Variants in RNF217 observed in about 807,000 individuals in gnomAD.
The protein encoded by RNF217 is E3 ubiquitin-protein ligase RNF217.
RNF217 carries 31 observed loss-of-function variants against 57.8 expected under a neutral mutation model. The ratio of observed to expected loss-of-function variants is 0.54; its 90% CI spans 0.40 to 0.72. The LOEUF is 0.72. RNF217 is among the 30% of genes least tolerant of loss of function. RNF217 has a pLI of 0.00. For missense variants in RNF217, 696 were observed against 708.3 expected (o/e 0.98, Z 0.20); for synonymous variants, 313 against 294.0 (o/e 1.06, Z -0.66).
rs1254686572 is a variant in RNF217, at chr6:124,962,749, C to A, written c.205C>A (p.Pro69Thr). The A allele has an allele frequency of 6.3e-7, 1 of 1,586,492 alleles. No homozygotes were observed. Among genetic ancestry groups the A allele is most frequent in the African/African-American group, 1.3e-5 (1 of 74,496 alleles). The change falls in exon 1 of 6, where the codon CCC (proline) becomes ACC (threonine). Residue 69 changes from proline to threonine, a missense_variant. This residue lies in a region of RNF217 where 465 missense variants were observed against 386.8 expected (regional missense o/e 1.20). Coordinates refer to ENST00000521654, the MANE Select transcript of RNF217 (RefSeq NM_001286398.3). This position sits in a 1 kb window ranked among gnomAD's most constrained non-coding sequence, Gnocchi z 4.6. ...WGCADTSAPE[P>T]ARSLGPPGWS... is the part of the protein sequence containing the mutation. The stretch of plus-strand genomic sequence containing the variant: ...CTGCGCGGACACCAGCGCCCCAGAG[C>A]CCGCGAGGAGCCTGGGGCCCCCGGG...
intron 1 of RNF217, among the ~76,000 whole-genome samples, chr6:125,026,911 G>A (rs112174512): frequency 0.016 from 2,484 of 151,832 alleles, 68 homozygotes; most frequent in African/African-American, 0.056. Context: ...ATTGTGTTTT[G>A]GATACAGTAA....
At chr6:125,048,101 GTTAACA>G in intron 2 of RNF217, 1 of 844,760 alleles carries the variant, frequency 1.2e-6, no homozygotes, top group Non-Finnish European at 1.7e-6. Context: ...TGTGGTTTAT[GTTAACA>G]TTAACTACCT....
At chr6:124,993,201 T>C (rs1318625976) in intron 1 of RNF217, among the ~76,000 whole-genome samples, 1 of 152,174 alleles carries the variant, frequency 6.6e-6, no homozygotes, top group Non-Finnish European at 1.5e-5. Flanking sequence ...TATTAAAAAA[T>C]AGATTCCTGA....
intron 1 of RNF217, among the ~76,000 whole-genome samples, chr6:125,013,121 C>A (rs1785471222): frequency 6.6e-6 from 1 of 151,886 alleles, no homozygotes; most frequent in Non-Finnish European, 1.5e-5. Context: ...ACAATATATT[C>A]ACCTATTCAT....
chr6:125,023,513 T>C (rs983899532), intron 1 of RNF217, among the ~76,000 whole-genome samples: 1 of 152,234 alleles, frequency 6.6e-6, no homozygotes, highest in African/African-American at 2.4e-5. Context: ...GAAGACAGTA[T>C]GGAGGATCCT....
chr6:124,990,696 A>G (rs1285276949), intron 1 of RNF217, among the ~76,000 whole-genome samples: 2 of 152,172 alleles, frequency 1.3e-5, no homozygotes, highest in Admixed American at 1.3e-4. Context: ...CCATGCCACC[A>G]TCATTCTCAC....
intron 1 of RNF217, among the ~76,000 whole-genome samples, chr6:125,032,957 A>G (rs1430386925): frequency 6.6e-6 from 1 of 152,172 alleles, no homozygotes; most frequent in Non-Finnish European, 1.5e-5. Flanking sequence ...AAGTACTATG[A>G]TAACTCTTTC....
rs1162462688 is a variant in RNF217, at chr6:125,084,291, G to T, written c.*1354G>T. 2 of 151,692 alleles carry T rather than the reference G, an allele frequency of 1.3e-5. No individual in the cohort carries two copies. The highest frequency in any genetic ancestry group is 2.9e-5 in the Non-Finnish European group (2 of 67,844). 9.4% of individuals were successfully genotyped at this position (151,692 alleles called of 1,614,324 possible). A position where few individuals can be genotyped will look rare whatever the true frequency, so the allele number is the denominator to read the frequency against. ...TTGGGAAAGGAAACAAAAAAGTGAA[G>T]GAAATATTTTCAGGAAGTTTTTCTC... On this transcript the variant is annotated 3_prime_UTR_variant, in exon 6 of 6. Coordinates refer to ENST00000521654, the MANE Select transcript of RNF217 (RefSeq NM_001286398.3).
At position 125,090,587 on chromosome 6, in the gene RNF217, C is replaced by A. The variant is rs1161901173; in HGVS notation, c.*7650C>A. On this transcript the variant is annotated 3_prime_UTR_variant, in exon 6 of 6. Coordinates refer to ENST00000521654, the MANE Select transcript of RNF217 (RefSeq NM_001286398.3). ...ATCCTCTAAGTATCAGAATGTATTC[C>A]ATTTTAATTATATTCTCCTTAACAA... 6.6e-6 allele frequency: 1 copy of A among 151,496 alleles called. No homozygotes were observed. The highest frequency in any genetic ancestry group is 1.5e-5 in the Non-Finnish European group (1 of 67,712). The allele number at this position is 151,496 out of a possible 1,614,324, so 9.4% of individuals were successfully genotyped here. A position where few individuals can be genotyped will look rare whatever the true frequency, so the allele number is the denominator to read the frequency against.
intron 2 of RNF217, among the ~76,000 whole-genome samples, chr6:125,048,886 A>G (rs1316947386): frequency 2.0e-5 from 3 of 152,036 alleles, no homozygotes; most frequent in Non-Finnish European, 4.4e-5. Context: ...TTATGTTCTG[A>G]ACATCGTCAA....
intron 1 of RNF217, among the ~76,000 whole-genome samples, chr6:125,032,797 G>C (rs1786416815): frequency 6.6e-6 from 1 of 152,144 alleles, no homozygotes; most frequent in Admixed American, 6.6e-5. Context: ...CGAACATTCA[G>C]ATAGTAAGGA....
chr6:125,002,341 G>A (rs936611341), intron 1 of RNF217, among the ~76,000 whole-genome samples: 10 of 152,092 alleles, frequency 6.6e-5, no homozygotes, highest in East Asian at 1.9e-4. Flanking sequence ...AATCCTCCTC[G>A]TCACAAGCTT....
chr6:125,083,712 A>G lies in RNF217; in HGVS notation c.*775A>G, dbSNP rs1788684732. 1.3e-5 allele frequency: 2 copies of G among 152,054 alleles called. No homozygotes were observed. Among genetic ancestry groups the G allele is most frequent in the Non-Finnish European group, 2.9e-5 (2 of 67,988 alleles). The allele number at this position is 152,054 out of a possible 1,614,324, so 9.4% of individuals were successfully genotyped here. A position where few individuals can be genotyped will look rare whatever the true frequency, so the allele number is the denominator to read the frequency against. On this transcript the variant is annotated 3_prime_UTR_variant, in exon 6 of 6. Coordinates refer to ENST00000521654, the MANE Select transcript of RNF217 (RefSeq NM_001286398.3). ...CAATGTATTAAATTAAAGTCAATGT[A>G]GACAACAGGCCATTTCGATACTGAA...
intron 2 of RNF217, 97 bp downstream of exon 2, chr6:125,045,541 T>G: frequency 1.2e-6 from 1 of 823,876 alleles, no homozygotes; most frequent in Non-Finnish European, 1.9e-6. Context: ...CATCTTTCCT[T>G]TATGGAGCTG....
In RNF217 at chr6:125,083,977, T is replaced by C. The variant is rs1788693497; in HGVS notation, c.*1040T>C. On this transcript the variant is annotated 3_prime_UTR_variant, in exon 6 of 6. Coordinates refer to ENST00000521654, the MANE Select transcript of RNF217 (RefSeq NM_001286398.3). ...AAACAAGTTTGCTGTAGACAACTGCTTAAGCCTTTAAAAAATTCCTATTCT... is the reference window on the plus strand; with the variant it reads ...AAACAAGTTTGCTGTAGACAACTGCCTAAGCCTTTAAAAAATTCCTATTCT... 6.6e-6 allele frequency: 1 copy of C among 152,094 alleles called. No individual in the cohort carries two copies. The highest frequency in any genetic ancestry group is 2.1e-4 in the South Asian group (1 of 4,836). The allele number at this position is 152,094 out of a possible 1,614,324, so 9.4% of individuals were successfully genotyped here. A position where few individuals can be genotyped will look rare whatever the true frequency, so the allele number is the denominator to read the frequency against.
chr6:124,986,306 C>T (rs868199565), intron 1 of RNF217, among the ~76,000 whole-genome samples: 1 of 152,104 alleles, frequency 6.6e-6, no homozygotes, highest in African/African-American at 2.4e-5. Context: ...TCAGGTTGAC[C>T]CTTTTCCTCC....
intron 1 of RNF217, among the ~76,000 whole-genome samples, chr6:125,019,222 A>G (rs1785730710): frequency 6.6e-6 from 1 of 152,156 alleles, no homozygotes; most frequent in African/African-American, 2.4e-5. Context: ...CCTTCCTTTG[A>G]AAATCACCTG....
intron 3 of RNF217, 43 bp downstream of exon 3, chr6:125,058,149 G>A: frequency 6.5e-7 from 1 of 1,532,318 alleles, no homozygotes; most frequent in South Asian, 1.2e-5. Flanking sequence ...ATGTACATCT[G>A]GATGTGACTG....
At chr6:125,000,167 G>A (rs1031998838) in intron 1 of RNF217, among the ~76,000 whole-genome samples, 1 of 151,956 alleles carries the variant, frequency 6.6e-6, no homozygotes, top group South Asian at 2.1e-4. Context: ...TTGGCAAATA[G>A]TATTAATAGT....
Sources: allele counts gnomAD v4.1 joint callset (sites outside exome capture counted in the v4.1 genomes callset), GRCh38; gene constraint gnomAD v4.1.1; regional missense constraint gnomAD v4.1.1; non-coding constraint Gnocchi (gnomAD v3.1); transcripts MANE v1.5; gene names NCBI Gene and HGNC (gene_info 2026-07-23, HGNC 2026-07-21).